GALNTL6: variants seen among roughly 807,000 people sequenced by gnomAD.
GALNTL6 encodes the protein polypeptide N-acetylgalactosaminyltransferase like 6.
In GALNTL6, 46 loss-of-function variants were observed where a neutral mutation model predicts 73.7. That is an observed-to-expected ratio of 0.62 (90% CI 0.49 to 0.80). The LOEUF (loss-of-function observed/expected upper bound fraction) is 0.80. GALNTL6 is among the 30% of genes least tolerant of loss of function. GALNTL6 has a pLI of 0.00. For synonymous variants in GALNTL6, 259 were observed against 263.7 expected (o/e 0.98, Z 0.17); for missense variants, 604 against 755.0 (o/e 0.80, Z 2.34).
intron 5 of GALNTL6, among the ~76,000 whole-genome samples, chr4:172,402,384 CT>C (rs1236235746): frequency 1.3e-5 from 2 of 152,054 alleles, no homozygotes; most frequent in East Asian, 3.9e-4. Context: ...ATGAAGAAAT[CT>C]CTCAATGAGG....
intron 7 of GALNTL6, among the ~76,000 whole-genome samples, chr4:172,822,077 G>T (rs1196240654): frequency 1.3e-5 from 2 of 152,152 alleles, no homozygotes; most frequent in Non-Finnish European, 1.5e-5. Context: ...CTATGGGTGT[G>T]ATCTTTACCT....
At chr4:172,019,921 C>A (rs892205587) in intron 2 of GALNTL6, among the ~76,000 whole-genome samples, 1 of 152,038 alleles carries the variant, frequency 6.6e-6, no homozygotes, top group African/African-American at 2.4e-5. Context: ...TATGTGAGGT[C>A]ACAAAACAAG....
At chr4:172,737,745 G>A (rs376105910) in intron 5 of GALNTL6, among the ~76,000 whole-genome samples, 2 of 152,136 alleles carry the variant, frequency 1.3e-5, no homozygotes, top group African/African-American at 4.8e-5. Context: ...TGTCTAACTT[G>A]TTCCAGTTTT....
chr4:172,357,239 A>G (rs1742192169), intron 5 of GALNTL6, among the ~76,000 whole-genome samples: 2 of 152,190 alleles, frequency 1.3e-5, no homozygotes, highest in South Asian at 2.1e-4. Context: ...TATGTTTTAT[A>G]TAGCTTCACA....
At chr4:172,960,375 CG>C (rs943289967) in intron 10 of GALNTL6, among the ~76,000 whole-genome samples, 9 of 151,974 alleles carry the variant, frequency 5.9e-5, no homozygotes, top group African/African-American at 2.2e-4. Flanking sequence ...TAAGCCAGAC[CG>C]GGTGTGAGGA....
At chr4:171,822,900 GATGATTGT>G (rs1308971968) in intron 2 of GALNTL6, among the ~76,000 whole-genome samples, 5 of 152,180 alleles carry the variant, frequency 3.3e-5, no homozygotes, top group Non-Finnish European at 7.3e-5. Flanking sequence ...GTTATTGTGT[GATGATTGT>G]ATGTGGTCCC....
At chr4:172,705,428 A>G (rs1441293944) in intron 5 of GALNTL6, among the ~76,000 whole-genome samples, 30 of 143,938 alleles carry the variant, frequency 2.1e-4, no homozygotes, top group Admixed American at 2.0e-3. Flanking sequence ...TATTTTGATC[A>G]TAAAGAAAAC....
At chr4:171,933,581 G>A (rs1333718724) in intron 2 of GALNTL6, among the ~76,000 whole-genome samples, 7 of 151,672 alleles carry the variant, frequency 4.6e-5, no homozygotes, top group Admixed American at 4.6e-4. Flanking sequence ...AGTTTATTAG[G>A]GATTTATTTA....
chr4:172,099,160 A>C (rs1236850248), intron 2 of GALNTL6, among the ~76,000 whole-genome samples: 1 of 152,156 alleles, frequency 6.6e-6, no homozygotes, highest in African/African-American at 2.4e-5. Flanking sequence ...GACGAAAAAA[A>C]CATGCTATAT....
chr4:172,107,061 C>G (rs1732695095), intron 2 of GALNTL6, among the ~76,000 whole-genome samples: 1 of 152,122 alleles, frequency 6.6e-6, no homozygotes, highest in Non-Finnish European at 1.5e-5. Flanking sequence ...TTAGTAGAGA[C>G]TGGGTTTCTC....
intron 2 of GALNTL6, among the ~76,000 whole-genome samples, chr4:172,202,158 T>C (rs1224241348): frequency 6.6e-6 from 1 of 152,228 alleles, no homozygotes; most frequent in Non-Finnish European, 1.5e-5. Flanking sequence ...TCACAGTTCC[T>C]CAAAGCATAA....
intron 11 of GALNTL6, among the ~76,000 whole-genome samples, chr4:173,015,449 G>A (rs1049440526): frequency 4.6e-5 from 7 of 152,216 alleles, no homozygotes; most frequent in Admixed American, 1.3e-4. Flanking sequence ...GAACTTCCTA[G>A]AGACTTGTTA....
intron 5 of GALNTL6, among the ~76,000 whole-genome samples, chr4:172,728,114 G>T (rs980553789): frequency 5.3e-5 from 8 of 152,146 alleles, no homozygotes; most frequent in African/African-American, 1.9e-4. Context: ...GGGTTTCACT[G>T]TGTTGGCCAG....
At chr4:172,046,198 T>C (rs12642290) in intron 2 of GALNTL6, among the ~76,000 whole-genome samples, 7,656 of 152,180 alleles carry the variant, frequency 0.05, 222 homozygotes, top group East Asian at 0.099. Context: ...TTGTGGATGA[T>C]GTTGCAATAA....
chr4:172,645,096 T>C (rs991745440), intron 5 of GALNTL6, among the ~76,000 whole-genome samples: 11 of 152,050 alleles, frequency 7.2e-5, no homozygotes, highest in African/African-American at 2.7e-4. Context: ...TAGACAGAAG[T>C]CCAGTCCTTT....
chr4:172,729,672 C>T (rs764081046), intron 5 of GALNTL6, among the ~76,000 whole-genome samples: 5 of 152,092 alleles, frequency 3.3e-5, no homozygotes, highest in Admixed American at 6.5e-5. Flanking sequence ...TAGTATGAGG[C>T]GACCAACTTT....
chr4:172,446,230 A>G (rs1439339354), intron 5 of GALNTL6, among the ~76,000 whole-genome samples: 7 of 152,160 alleles, frequency 4.6e-5, no homozygotes, highest in African/African-American at 1.7e-4. Flanking sequence ...TAGATATAAG[A>G]GGCACCTTTA....
At chr4:172,095,433 C>T (rs1732323732) in intron 2 of GALNTL6, among the ~76,000 whole-genome samples, 3 of 152,104 alleles carry the variant, frequency 2.0e-5, no homozygotes, top group Admixed American at 2.0e-4. Flanking sequence ...AAACAAAAAG[C>T]TGTGCTATGG....
intron 2 of GALNTL6, among the ~76,000 whole-genome samples, chr4:172,186,783 G>T (rs1035086977): frequency 1.3e-5 from 2 of 152,058 alleles, no homozygotes; most frequent in African/African-American, 4.8e-5. Flanking sequence ...GGGGTTAAAA[G>T]AATATGGAGT....
Sources: allele counts gnomAD v4.1 joint callset (sites outside exome capture counted in the v4.1 genomes callset), GRCh38; gene constraint gnomAD v4.1.1; transcripts MANE v1.5; gene names NCBI Gene and HGNC (gene_info 2026-07-23, HGNC 2026-07-21).